UNC5D: variants seen among roughly 807,000 people sequenced by gnomAD.
The protein encoded by UNC5D is netrin receptor UNC5D.
A neutral mutation model predicts 105.4 loss-of-function variants in UNC5D; 39 were observed. That is an observed-to-expected ratio of 0.37 (90% CI 0.29 to 0.48). UNC5D has a LOEUF of 0.48. Ranked by LOEUF, UNC5D falls within the 20% of genes least tolerant of loss-of-function variation. The pLI is 0.98. For missense variants in UNC5D, 991 were observed against 1,202.4 expected, an observed-to-expected ratio of 0.82 and a Z score of 2.60; for synonymous variants, 452 against 450.4, an observed-to-expected ratio of 1.00 and a Z score of -0.04.
chr8:35,405,652 G>A (rs1203907742), intron 1 of UNC5D, among the ~76,000 whole-genome samples: 3 of 151,850 alleles, frequency 2.0e-5, no homozygotes, highest in Non-Finnish European at 2.9e-5. Flanking sequence ...TTCCCCTAAC[G>A]TTAAACTGTT....
In UNC5D at chr8:35,563,153, G is replaced by A. The variant is rs762884322; in HGVS notation, c.323-4945G>A. 4.5e-4 allele frequency among the ~76,000 whole-genome samples: 68 copies of A among 152,028 alleles called. 1 individual carries two copies. The highest frequency in any genetic ancestry group is 6.8e-3 in the Middle Eastern group (2 of 294). On this transcript the variant is annotated intron_variant, in intron 2 of 16. Transcript: ENST00000404895. ...TCTATGTTTGAGAAAGAAGTCATTG[G>A]TATTTTAATAGGGAGTGTCTTGAAT...
intron 14 of UNC5D, among the ~76,000 whole-genome samples, chr8:35,759,944 A>G (rs763143290): frequency 6.6e-6 from 1 of 152,140 alleles, no homozygotes; most frequent in African/African-American, 2.4e-5. Context: ...TTTTTCTTTC[A>G]TATATGAAGT....
chr8:35,584,411 GTTTTGT>G lies in UNC5D; in HGVS notation c.467-11140_467-11135del, dbSNP rs1280657643. ...TTGTTTGTTTGTTTTGTTTTGTTTTGTTTTGTTTGTTTTGTTTTATAGAGACAGAAT... is the reference window on the plus strand; with the variant it reads ...TTGTTTGTTTGTTTTGTTTTGTTTTGTTGTTTTGTTTTATAGAGACAGAAT... On this transcript the variant is annotated intron_variant, in intron 3 of 16. Transcript: ENST00000404895. Among the ~76,000 whole-genome samples, 9 of 151,780 alleles carry G rather than the reference GTTTTGT, an allele frequency of 5.9e-5. No individual in the cohort carries two copies. The East Asian group carries it at 1.7e-3, about 29-fold the overall frequency.
rs189425975 is a variant in UNC5D at position 35,592,188 on chromosome 8, G to A, written c.467-3366G>A. Among the ~76,000 whole-genome samples, 811 of 152,008 alleles carry A rather than the reference G, an allele frequency of 5.3e-3. 10 individuals are homozygous for A. Among genetic ancestry groups the A allele is most frequent in the African/African-American group, 0.018 (729 of 41,446 alleles). On this transcript the variant is annotated intron_variant, in intron 3 of 16. Transcript: ENST00000404895. ...AGTTAGTTTCTTTCCTCATAGTGGC[G>A]GTTTCTTGATCTCAGATGTTATCCT...
At chr8:35,611,523 A>T (rs1325706903) in intron 4 of UNC5D, among the ~76,000 whole-genome samples, 1 of 152,224 alleles carries the variant, frequency 6.6e-6, no homozygotes, top group Non-Finnish European at 1.5e-5. Context: ...ACTTACTTAG[A>T]CACTGGCTTA....
intron 3 of UNC5D, among the ~76,000 whole-genome samples, chr8:35,594,310 A>G (rs139410600): frequency 2.6e-5 from 4 of 152,318 alleles, no homozygotes; most frequent in Middle Eastern, 3.4e-3. Context: ...CTTGTTATTC[A>G]TTGAGTGTTT....
chr8:35,519,647 C>T (rs1052104039), intron 1 of UNC5D, among the ~76,000 whole-genome samples: 4 of 152,004 alleles, frequency 2.6e-5, no homozygotes, highest in African/African-American at 9.7e-5. Flanking sequence ...ACCTAAATAT[C>T]CATTGACAGA....
intron 16 of UNC5D, among the ~76,000 whole-genome samples, chr8:35,788,707 C>T (rs989272814): frequency 5.9e-5 from 9 of 151,852 alleles, no homozygotes; most frequent in African/African-American, 1.7e-4. Flanking sequence ...CACGCACACA[C>T]ACACACACAC....
At chr8:35,530,956 G>C (rs1387855384) in intron 1 of UNC5D, among the ~76,000 whole-genome samples, 1 of 147,124 alleles carries the variant, frequency 6.8e-6, no homozygotes, top group Non-Finnish European at 1.5e-5. Flanking sequence ...TATTAGTCTT[G>C]CTAGTGGTCT....
rs1048858655 is a variant in UNC5D at position 35,284,550 on chromosome 8, G to GTTTCT, written c.103+48682_103+48686dup. Among the ~76,000 whole-genome samples the GTTTCT allele has an allele frequency of 5.3e-5, 8 of 151,972 alleles. No individual in the cohort carries two copies. In the South Asian group the frequency reaches 8.3e-4, roughly 16 times the overall value. ...TGGGGAAATTAATTTAAAATATAAT[G>GTTTCT]TTTCTTTTCTTTTCTTTTCTTTTTG... On this transcript the variant is annotated intron_variant, in intron 1 of 16. Transcript: ENST00000404895.
At chr8:35,358,410 C>T (rs763578996) in intron 1 of UNC5D, among the ~76,000 whole-genome samples, 4 of 152,086 alleles carry the variant, frequency 2.6e-5, no homozygotes, top group African/African-American at 7.2e-5. Context: ...AACGAAACAC[C>T]GCATGTTCTC....
chr8:35,279,392 T>C (rs1199579104), intron 1 of UNC5D, among the ~76,000 whole-genome samples: 1 of 152,238 alleles, frequency 6.6e-6, no homozygotes, highest in Non-Finnish European at 1.5e-5. Flanking sequence ...AACCAGCTGT[T>C]TCTGAGATAC....
intron 1 of UNC5D, among the ~76,000 whole-genome samples, chr8:35,402,550 A>G (rs1487692112): frequency 6.6e-6 from 1 of 152,174 alleles, no homozygotes; most frequent in African/African-American, 2.4e-5. Context: ...GCCAAATCAT[A>G]TCATCACCTA....
chr8:35,610,773 A>G (rs987933189), intron 4 of UNC5D, among the ~76,000 whole-genome samples: 6 of 152,166 alleles, frequency 3.9e-5, no homozygotes, highest in African/African-American at 1.4e-4. Flanking sequence ...ACAAATGCAT[A>G]CTTGTGTCTG....
intron 14 of UNC5D, among the ~76,000 whole-genome samples, chr8:35,762,125 C>T (rs1801563887): frequency 6.6e-6 from 1 of 152,068 alleles, no homozygotes; most frequent in Non-Finnish European, 1.5e-5. Flanking sequence ...GTACCAAACC[C>T]CTCCTCTACT....
chr8:35,329,555 TC>T (rs1810447968), intron 1 of UNC5D, among the ~76,000 whole-genome samples: 1 of 152,074 alleles, frequency 6.6e-6, no homozygotes, highest in Non-Finnish European at 1.5e-5. Context: ...TAGCTTGTGT[TC>T]CTATCTGAAG....
intron 1 of UNC5D, among the ~76,000 whole-genome samples, chr8:35,236,484 G>A (rs944573944): frequency 9.2e-5 from 14 of 152,242 alleles, no homozygotes; most frequent in African/African-American, 3.1e-4. Context: ...GTTTAACCGC[G>A]CCTGCAGTGC....
chr8:35,669,934 G>T (rs1453589250), intron 4 of UNC5D, among the ~76,000 whole-genome samples: 1 of 152,106 alleles, frequency 6.6e-6, no homozygotes, highest in Admixed American at 6.6e-5. Flanking sequence ...GAGGGTAAAT[G>T]AACTGAAGAT....
At chr8:35,296,403 A>T (rs1486587264) in intron 1 of UNC5D, among the ~76,000 whole-genome samples, 1 of 152,068 alleles carries the variant, frequency 6.6e-6, no homozygotes, top group East Asian at 1.9e-4. Flanking sequence ...CACTTCTCCC[A>T]TGAGTAGTTG....
Sources: gnomAD v4.1 joint callset for allele counts (sites outside exome capture counted in the v4.1 genomes callset) on GRCh38, gnomAD v4.1.1 for gene constraint, MANE v1.5 for transcripts, NCBI Gene and HGNC (gene_info 2026-07-23, HGNC 2026-07-21) for gene names.